PTK2: variants seen among roughly 807,000 people sequenced by gnomAD.
PTK2 encodes the protein protein tyrosine kinase 2.
Under a neutral mutation model 150.1 loss-of-function variants are expected in PTK2, and 45 were observed. That is an observed-to-expected ratio of 0.30 (90% CI 0.24 to 0.38). The LOEUF is 0.38. Ranked by LOEUF, PTK2 falls within the 10% of genes least tolerant of loss-of-function variation. The probability of loss-of-function intolerance (pLI) is 1.00; values close to 1 mark genes in which losing one functional copy is unlikely to be tolerated. For missense variants in PTK2, 919 were observed against 1,307.3 expected (o/e 0.70, Z 4.58); for synonymous variants, 432 against 449.2 (o/e 0.96, Z 0.48).
chr8:140,811,199 A>G (rs1234235672), intron 10 of PTK2, among the ~76,000 whole-genome samples: 1 of 152,208 alleles, frequency 6.6e-6, no homozygotes, highest in Non-Finnish European at 1.5e-5. Context: ...CCAACACTCC[A>G]CAAGTGCAGT....
chr8:140,670,605 T>C (rs1050467330), intron 29 of PTK2, among the ~76,000 whole-genome samples: 3 of 151,716 alleles, frequency 2.0e-5, no homozygotes, highest in Admixed American at 1.3e-4. Context: ...AGCTGATTCT[T>C]ATGATTAGGT....
intron 1 of PTK2, among the ~76,000 whole-genome samples, chr8:140,962,216 A>AT (rs1181505262): frequency 3.2e-5 from 4 of 125,784 alleles, no homozygotes; most frequent in East Asian, 2.4e-4. Context: ...CTGTCTCAAA[A>AT]TTTAAAAAAA....
intron 4 of PTK2, chr8:140,879,158 CAT>C (rs1157779952): frequency 1.5e-5 from 3 of 203,132 alleles, no homozygotes; most frequent in African/African-American, 2.4e-5. Flanking sequence ...TACACACACA[CAT>C]ATATATATGA....
chr8:140,658,308 T>C lies in PTK2; in HGVS notation c.*1158A>G, dbSNP rs537893950. 5.3e-5 allele frequency: 9 copies of C among 169,818 alleles called. 1 individual carries two copies. The highest frequency in any genetic ancestry group is 2.6e-4 in the Admixed American group (4 of 15,678). 10.5% of individuals were successfully genotyped at this position (169,818 alleles called of 1,614,324 possible). On this transcript the variant is annotated 3_prime_UTR_variant, in exon 32 of 32. Transcript: ENST00000522684. ...TTAGTGAGAGGCTTCCTGATAATTATTGGGAACTCTCTTGTATGTTATCTT... is the reference window on the plus strand; with the variant it reads ...TTAGTGAGAGGCTTCCTGATAATTACTGGGAACTCTCTTGTATGTTATCTT...
At chr8:140,962,145 C>T (rs913509830) in intron 1 of PTK2, among the ~76,000 whole-genome samples, 13 of 149,282 alleles carry the variant, frequency 8.7e-5, no homozygotes, top group Admixed American at 5.4e-4. Context: ...CGCTTGAATC[C>T]GGGAGGTGGA....
At chr8:140,960,707 C>G (rs768182298) in intron 1 of PTK2, among the ~76,000 whole-genome samples, 3 of 152,210 alleles carry the variant, frequency 2.0e-5, no homozygotes, top group Middle Eastern at 3.4e-3. Flanking sequence ...ATAGGCTGGG[C>G]GCGGTGGCTC....
At chr8:140,700,213 G>A (rs2100029418) in intron 26 of PTK2, among the ~76,000 whole-genome samples, 1 of 152,148 alleles carries the variant, frequency 6.6e-6, no homozygotes, top group Non-Finnish European at 1.5e-5. Flanking sequence ...TTGGATATAG[G>A]ATTCTGGATC....
At chr8:140,869,663 G>C (rs1275671445) in intron 4 of PTK2, among the ~76,000 whole-genome samples, 1 of 151,950 alleles carries the variant, frequency 6.6e-6, no homozygotes, top group Non-Finnish European at 1.5e-5. Context: ...AATGAAATTG[G>C]GAATGGGCAC....
chr8:140,667,197 G>C (rs2092680416), intron 30 of PTK2, among the ~76,000 whole-genome samples: 1 of 152,130 alleles, frequency 6.6e-6, no homozygotes, highest in African/African-American at 2.4e-5. Flanking sequence ...TGCTGATGGT[G>C]GCACAACATT....
In PTK2 at chr8:140,675,399, T is replaced by A. The variant is rs768807508; in HGVS notation, c.2602+61A>T. The A allele has an allele frequency of 2.6e-6, 4 of 1,562,750 alleles. No individual in the cohort carries two copies. In the Admixed American group the frequency reaches 6.8e-5, roughly 26 times the overall value. On this transcript the variant is annotated intron_variant, in intron 28 of 31. Coordinates refer to ENST00000522684, the Ensembl canonical transcript of PTK2. ...TCCAAAGCTACGACACTATATACAT[T>A]CAAAACCTGCTTTCATCAAATTAAA...
At chr8:140,918,481 T>C (rs958155670) in intron 2 of PTK2, among the ~76,000 whole-genome samples, 1 of 152,170 alleles carries the variant, frequency 6.6e-6, no homozygotes, top group African/African-American at 2.4e-5. Flanking sequence ...ATCAAAACTG[T>C]CTTTAAACCT....
At chr8:140,818,798 C>T in intron 9 of PTK2, 82 bp downstream of exon 9, 1 of 1,424,306 alleles carries the variant, frequency 7.0e-7, no homozygotes, top group Admixed American at 2.5e-5. Flanking sequence ...AGCATTTTTT[C>T]ATCAGAAATT....
intron 1 of PTK2, among the ~76,000 whole-genome samples, chr8:140,941,155 G>A (rs964761909): frequency 2.0e-5 from 3 of 152,072 alleles, no homozygotes; most frequent in African/African-American, 4.8e-5. Context: ...TCTAAAAAGC[G>A]TACCAGCACA....
intron 2 of PTK2, among the ~76,000 whole-genome samples, chr8:140,925,185 A>ATAAATG (rs1269109219): frequency 2.0e-5 from 3 of 152,356 alleles, no homozygotes; most frequent in Non-Finnish European, 4.4e-5. Flanking sequence ...TAAAGCACTA[A>ATAAATG]TAAATGCTTT....
chr8:140,910,923 G>A (rs535467369), intron 2 of PTK2, among the ~76,000 whole-genome samples: 1 of 152,136 alleles, frequency 6.6e-6, no homozygotes, highest in East Asian at 1.9e-4. Context: ...TGTCGCCCAG[G>A]CTGGAGTGCA....
intron 14 of PTK2, among the ~76,000 whole-genome samples, chr8:140,773,519 G>A (rs2100076745): frequency 6.6e-6 from 1 of 152,198 alleles, no homozygotes; most frequent in African/African-American, 2.4e-5. Flanking sequence ...GGAGGAGAGG[G>A]AAAGGGCCAT....
chr8:140,777,151 T>C (rs1032392245), intron 14 of PTK2, among the ~76,000 whole-genome samples: 3 of 152,258 alleles, frequency 2.0e-5, no homozygotes, highest in Admixed American at 6.5e-5. Context: ...TAGGCCATTA[T>C]TGTATTGCTA....
chr8:140,953,368 C>T (rs1263592746), intron 1 of PTK2, among the ~76,000 whole-genome samples: 3 of 152,168 alleles, frequency 2.0e-5, no homozygotes, highest in Non-Finnish European at 4.4e-5. Flanking sequence ...ATCACTACTA[C>T]CCCTCCGTTT....
intron 3 of PTK2, among the ~76,000 whole-genome samples, chr8:140,880,686 C>T (rs2100148635): frequency 6.6e-6 from 1 of 152,218 alleles, no homozygotes; most frequent in African/African-American, 2.4e-5. Context: ...TTCCTGCACT[C>T]ATCAAGTATT....
Sources: allele counts gnomAD v4.1 joint callset (sites outside exome capture counted in the v4.1 genomes callset), GRCh38; gene constraint gnomAD v4.1.1; transcripts MANE v1.5; gene names NCBI Gene and HGNC (gene_info 2026-07-23, HGNC 2026-07-21).